The following KCNT1 variants were observed in gnomAD, a reference collection of about 807,000 sequenced individuals.
KCNT1 encodes the protein potassium channel subfamily T member 1.
KCNT1 carries 78 observed loss-of-function variants against 147.8 expected under a neutral mutation model. The observed-to-expected ratio is 0.53, with a 90% CI of 0.44 to 0.64. The LOEUF is 0.64. KCNT1 is among the 30% of genes least tolerant of loss of function. KCNT1 has a pLI of 0.00. For missense variants in KCNT1, 1,419 were observed against 1,750.3 expected (o/e 0.81, Z 3.38); for synonymous variants, 867 against 748.8 (o/e 1.16, Z -2.58).
intron 24 of KCNT1, among the ~76,000 whole-genome samples, chr9:135,779,898 C>A (rs1833484418): frequency 6.6e-6 from 1 of 152,280 alleles, no homozygotes; most frequent in African/African-American, 2.4e-5. Context: ...GACTTCTCCG[C>A]TGCCCTGGCC....
chr9:135,756,968 T>TTCCCCCC, intron 7 of KCNT1, 36 bp downstream of exon 7: 1 of 852,574 alleles, frequency 1.2e-6, no homozygotes, highest in Non-Finnish European at 1.6e-6. Context: ...TCACAGGGGG[T>TTCCCCCC]CCCCACCCTC....
At chr9:135,762,019 G>A (rs999915871) in intron 11 of KCNT1, among the ~76,000 whole-genome samples, 1 of 152,276 alleles carries the variant, frequency 6.6e-6, no homozygotes, top group Non-Finnish European at 1.5e-5. Flanking sequence ...CCACGGGTAA[G>A]GGCCAAATCG....
chr9:135,775,371 C>T lies in KCNT1; in HGVS notation c.2305C>T (p.Leu769Phe). The T allele has an allele frequency of 1.2e-6, 2 of 1,611,224 alleles. No homozygotes were observed. The highest frequency in any genetic ancestry group is 1.7e-6 in the Non-Finnish European group (2 of 1,178,668). ...CGGCAGCTCCCCAACCCTGTGCCAC[C>T]TCCTGCCTGTGAAAGCCCCCTTCTG... ...YIGSSPTLCH[L>F]LPVKAPFCCL... Residue 769 changes from leucine (L) to phenylalanine (F), a missense_variant, in exon 20 of 31, where the codon CTC (leucine) becomes TTC (phenylalanine). Coordinates refer to ENST00000371757, the MANE Select transcript of KCNT1 (RefSeq NM_020822.3).
At chr9:135,749,155 C>T (rs865804804) in intron 2 of KCNT1, among the ~76,000 whole-genome samples, 41 of 152,294 alleles carry the variant, frequency 2.7e-4, no homozygotes, top group African/African-American at 9.1e-4. Flanking sequence ...TAGCCTGGCC[C>T]GCATCCCAGC....
chr9:135,738,840 CTG>C (rs1588289418), intron 2 of KCNT1, among the ~76,000 whole-genome samples: 2 of 152,200 alleles, frequency 1.3e-5, no homozygotes, highest in African/African-American at 4.8e-5. Context: ...TCTCACTCCC[CTG>C]TGTGAGGCTG....
At chr9:135,746,229 G>A (rs777338907) in intron 2 of KCNT1, among the ~76,000 whole-genome samples, 10 of 152,174 alleles carry the variant, frequency 6.6e-5, no homozygotes, top group Admixed American at 1.3e-4. Context: ...AGGCCCCAGC[G>A]TTTCTCTGCC....
intron 2 of KCNT1, among the ~76,000 whole-genome samples, chr9:135,725,519 C>T (rs573680622): frequency 2.6e-5 from 4 of 152,172 alleles, no homozygotes; most frequent in Non-Finnish European, 5.9e-5. Flanking sequence ...GCTACGCTTG[C>T]GGGGGAGGGT....
chr9:135,753,038 GTAGA>G (rs1156808184), intron 4 of KCNT1, among the ~76,000 whole-genome samples: 4 of 130,112 alleles, frequency 3.1e-5, no homozygotes, highest in African/African-American at 6.3e-5. Context: ...GGACAGATGA[GTAGA>G]TAGATGGATG....
At chr9:135,777,945 C>CTCCTCCCCACTCCCAGT (rs1302019127) in intron 21 of KCNT1, among the ~76,000 whole-genome samples, 4 of 149,734 alleles carry the variant, frequency 2.7e-5, no homozygotes, top group Middle Eastern at 3.5e-3. Context: ...TGGCCACCAG[C>CTCCTCCCCACTCCCAGT]TCCTCCCCAC....
chr9:135,747,303 C>T (rs958996428), intron 2 of KCNT1, among the ~76,000 whole-genome samples: 8 of 150,868 alleles, frequency 5.3e-5, no homozygotes, highest in African/African-American at 1.2e-4. Flanking sequence ...GCAGACCCCC[C>T]GCGTTGAGGC....
intron 2 of KCNT1, among the ~76,000 whole-genome samples, chr9:135,747,860 G>A (rs554619918): frequency 6.6e-6 from 1 of 152,316 alleles, no homozygotes; most frequent in East Asian, 1.9e-4. Flanking sequence ...CTTGGCCTGA[G>A]CCTCCTCTTC....
At chr9:135,788,174 C>T (rs774248872) in intron 29 of KCNT1, 2 of 1,610,170 alleles carry the variant, frequency 1.2e-6, no homozygotes, top group Non-Finnish European at 1.7e-6. Flanking sequence ...TAATTCTGCC[C>T]TGGCGGGTGC....
intron 24 of KCNT1, among the ~76,000 whole-genome samples, chr9:135,782,879 G>A (rs191373836): frequency 6.5e-4 from 99 of 152,352 alleles, no homozygotes; most frequent in Admixed American, 1.2e-3. Context: ...CGGAAACGCC[G>A]CACGAAACTA....
chr9:135,787,421 G>A (rs532884747), intron 29 of KCNT1, among the ~76,000 whole-genome samples: 64 of 152,328 alleles, frequency 4.2e-4, no homozygotes, highest in African/African-American at 1.4e-3. Context: ...GAGCCGGGTC[G>A]AGGCTCCACC....
intron 29 of KCNT1, 35 bp downstream of exon 29, chr9:135,786,556 A>C: frequency 6.5e-7 from 1 of 1,528,654 alleles, no homozygotes; most frequent in Non-Finnish European, 8.8e-7. Flanking sequence ...GGCCGGACGG[A>C]CGGACTGGGC....
chr9:135,736,670 G>T, intron 2 of KCNT1: 1 of 295,362 alleles, frequency 3.4e-6, no homozygotes, highest in East Asian at 5.4e-5. Flanking sequence ...CCGTCCGAGG[G>T]CAAGGCGGGC....
At chr9:135,778,891 AC>A in intron 23 of KCNT1, 69 bp downstream of exon 23, 2 of 1,492,080 alleles carry the variant, frequency 1.3e-6, no homozygotes, top group Middle Eastern at 2.1e-4. Context: ...TCGCCCTGAG[AC>A]CCCCACAGCC....
rs1836368650 is a variant in KCNT1, at chr9:135,730,090, T to C, written c.254+15370T>C. Among the ~76,000 whole-genome samples the C allele has an allele frequency of 6.6e-6, 1 of 152,174 alleles. No homozygotes were observed. The highest frequency in any genetic ancestry group is 6.5e-5 in the Admixed American group (1 of 15,286). On this transcript the variant is annotated intron_variant, in intron 2 of 30. Transcript: ENST00000371757. The surrounding 1 kb of genome is among the most constrained non-coding windows in gnomAD (Gnocchi z 4.7). ...TCCTCTGCACTGTGCTGATCCTTCA[T>C]CCATGGGAGCTGTGCACCCCCAAAT...
At chr9:135,735,390 T>G (rs928340698) in intron 2 of KCNT1, among the ~76,000 whole-genome samples, 3 of 152,140 alleles carry the variant, frequency 2.0e-5, no homozygotes, top group African/African-American at 7.2e-5. Context: ...TCCCTCAGCA[T>G]GGGTGCTGAA....
Sources: gnomAD v4.1 joint callset for allele counts (sites outside exome capture counted in the v4.1 genomes callset) on GRCh38, gnomAD v4.1.1 for gene constraint, Gnocchi (gnomAD v3.1) non-coding constraint, MANE v1.5 for transcripts, NCBI Gene and HGNC (gene_info 2026-07-23, HGNC 2026-07-21) for gene names.